Variants in ZNF407 observed in about 807,000 individuals in gnomAD.
ZNF407 encodes the protein zinc finger protein 407.
ZNF407 carries 17 observed loss-of-function variants against 131.2 expected under a neutral mutation model. The ratio of observed to expected loss-of-function variants is 0.13; its 90% CI spans 0.09 to 0.19. The LOEUF (loss-of-function observed/expected upper bound fraction) is 0.19, where lower values mean the gene tolerates loss of function less well. ZNF407 is among the 10% of genes least tolerant of loss of function. ZNF407 has a pLI of 1.00. For missense variants in ZNF407, 2,681 were observed against 2,830.6 expected (o/e 0.95, Z 1.20); for synonymous variants, 1,156 against 1,062.0 (o/e 1.09, Z -1.72).
chr18:74,671,969 C>A (rs1986157017), intron 3 of ZNF407, among the ~76,000 whole-genome samples: 1 of 152,184 alleles, frequency 6.6e-6, no homozygotes, highest in Non-Finnish European at 1.5e-5. Context: ...CACCCATGGG[C>A]ATCTAGGTTG....
intron 3 of ZNF407, among the ~76,000 whole-genome samples, chr18:74,666,133 G>A (rs189339045): frequency 1.1e-3 from 172 of 152,254 alleles, no homozygotes; most frequent in African/African-American, 3.8e-3. Flanking sequence ...CTGTGTGCAC[G>A]CCCCGCAGAA....
chr18:74,984,862 T>G (rs1217392207), intron 8 of ZNF407, among the ~76,000 whole-genome samples: 1 of 152,238 alleles, frequency 6.6e-6, no homozygotes, highest in Non-Finnish European at 1.5e-5. Context: ...TCTAGTCCAC[T>G]CAGGATCATT....
chr18:74,840,962 C>T (rs1477473814), intron 4 of ZNF407, among the ~76,000 whole-genome samples: 1 of 152,172 alleles, frequency 6.6e-6, no homozygotes, highest in African/African-American at 2.4e-5. Context: ...GACTCATTTG[C>T]GCAGAGCTCC....
intron 8 of ZNF407, among the ~76,000 whole-genome samples, chr18:75,034,551 C>G (rs1271669202): frequency 6.6e-6 from 1 of 151,332 alleles, no homozygotes; most frequent in Non-Finnish European, 1.5e-5. Flanking sequence ...ATCCGCCCGT[C>G]TCGGCCTCCC....
chr18:74,894,928 C>T (rs894596994), intron 7 of ZNF407, among the ~76,000 whole-genome samples: 1 of 152,100 alleles, frequency 6.6e-6, no homozygotes, highest in Admixed American at 6.5e-5. Context: ...TTCCTTAGTA[C>T]TTCTAACCTT....
At chr18:74,641,242 C>T in intron 3 of ZNF407, 120 bp downstream of exon 3, 1 of 686,032 alleles carries the variant, frequency 1.5e-6, no homozygotes, top group Non-Finnish European at 2.6e-6. Context: ...GCGTACCCTC[C>T]TTTCCATTGT....
intron 4 of ZNF407, among the ~76,000 whole-genome samples, chr18:74,832,535 G>A (rs1970500310): frequency 6.6e-6 from 1 of 151,472 alleles, no homozygotes; most frequent in African/African-American, 2.4e-5. Context: ...GCTCCCTATA[G>A]CCTTAAACTC....
chr18:74,599,090 T>C (rs1003112047), intron 1 of ZNF407, among the ~76,000 whole-genome samples: 2 of 152,230 alleles, frequency 1.3e-5, no homozygotes, highest in Non-Finnish European at 2.9e-5. Flanking sequence ...CATATACTCA[T>C]CAGAACCTTA....
intron 4 of ZNF407, chr18:74,804,041 C>T: frequency 6.4e-7 from 1 of 1,551,616 alleles, no homozygotes; most frequent in Non-Finnish European, 8.7e-7. Context: ...GCCTCTGAAG[C>T]CCAAAGTCTT....
At chr18:75,032,972 G>A (rs1973261618) in intron 8 of ZNF407, among the ~76,000 whole-genome samples, 1 of 139,606 alleles carries the variant, frequency 7.2e-6, no homozygotes, top group Admixed American at 7.2e-5. Flanking sequence ...GCTCGGAATG[G>A]GGGGAAGATA....
intron 4 of ZNF407, among the ~76,000 whole-genome samples, chr18:74,854,607 C>T (rs183712630): frequency 1.4e-4 from 22 of 151,958 alleles, no homozygotes; most frequent in Middle Eastern, 6.8e-3. Flanking sequence ...AAATAATCTC[C>T]CCCTTTAAAA....
intron 3 of ZNF407, among the ~76,000 whole-genome samples, chr18:74,708,648 G>A (rs1027409956): frequency 1.1e-4 from 16 of 152,164 alleles, no homozygotes; most frequent in Admixed American, 3.3e-4. Flanking sequence ...AGCCCTTTCT[G>A]GGGGAGCAGC....
intron 3 of ZNF407, among the ~76,000 whole-genome samples, chr18:74,655,711 G>T (rs1343272160): frequency 6.6e-6 from 1 of 152,104 alleles, no homozygotes; most frequent in Non-Finnish European, 1.5e-5. Flanking sequence ...TTTATTTGAG[G>T]TGTGTGGGTG....
At position 74,631,102 on chromosome 18, in the gene ZNF407, C is replaced by T. The variant is rs1984039367; in HGVS notation, c.83C>T (p.Ser28Phe). ...KEAQDLTKLS[S>F]HNEDGGPVSD... ...GCACAAGACTTGACAAAGCTTTCATCCCATAATGAAGACGGTGGGCCTGTA... is the reference window on the plus strand; with the variant it reads ...GCACAAGACTTGACAAAGCTTTCATTCCATAATGAAGACGGTGGGCCTGTA... Residue 28 changes from serine (S) to phenylalanine (F), a missense_variant, in exon 2 of 9, where the codon TCC becomes TTC. Physicochemically the swap from Ser to Phe is radical, Grantham distance 155. This residue lies in a region of ZNF407 where 1,789 missense variants were observed against 1,748.7 expected (regional missense o/e 1.02). Transcript: ENST00000299687. 6.2e-7 allele frequency: 1 copy of T among 1,613,816 alleles called. No homozygotes were observed. Among genetic ancestry groups the T allele is most frequent in the East Asian group, 2.2e-5 (1 of 44,882 alleles).
intron 4 of ZNF407, chr18:74,804,229 G>T: frequency 8.1e-7 from 1 of 1,238,124 alleles, no homozygotes; most frequent in Non-Finnish European, 1.0e-6. Flanking sequence ...GGCTAGTCTA[G>T]TGATTTTCTG....
chr18:74,844,205 C>T (rs556141532), intron 4 of ZNF407, among the ~76,000 whole-genome samples: 1 of 152,268 alleles, frequency 6.6e-6, no homozygotes, highest in African/African-American at 2.4e-5. Context: ...TTTTCCTTCC[C>T]CCATGGCTTG....
chr18:74,907,885 T>C (rs1196332390), intron 7 of ZNF407, among the ~76,000 whole-genome samples: 1 of 152,202 alleles, frequency 6.6e-6, no homozygotes, highest in Non-Finnish European at 1.5e-5. Context: ...TCATTTTCCC[T>C]TACCATTACT....
intron 3 of ZNF407, among the ~76,000 whole-genome samples, chr18:74,720,963 T>C (rs1461420684): frequency 6.6e-6 from 1 of 151,558 alleles, no homozygotes; most frequent in Non-Finnish European, 1.5e-5. Context: ...TCAGGATTGC[T>C]TTGACTATTC....
chr18:75,025,475 T>A (rs1300479139), intron 8 of ZNF407, among the ~76,000 whole-genome samples: 1 of 152,330 alleles, frequency 6.6e-6, no homozygotes, highest in East Asian at 1.9e-4. Flanking sequence ...GGGTTATAAA[T>A]GTGGCAGCTC....
Sources: gnomAD v4.1 joint callset for allele counts (sites outside exome capture counted in the v4.1 genomes callset) on GRCh38, gnomAD v4.1.1 for gene constraint, gnomAD v4.1.1 regional missense constraint, MANE v1.5 for transcripts, NCBI Gene and HGNC (gene_info 2026-07-23, HGNC 2026-07-21) for gene names.